Variants in ZNF219 observed in about 807,000 individuals in gnomAD.
ZNF219 encodes zinc finger protein 219.
ZNF219 carries 17 observed loss-of-function variants against 54.4 expected under a neutral mutation model. The observed-to-expected ratio is 0.31, with a 90% CI of 0.21 to 0.47. The LOEUF (loss-of-function observed/expected upper bound fraction) is 0.47. Ranked by LOEUF, ZNF219 falls within the 20% of genes least tolerant of loss-of-function variation. The pLI, the probability that ZNF219 is intolerant of heterozygous loss-of-function variation, is 1.00. For missense variants in ZNF219, 1,014 were observed against 1,062.3 expected, an observed-to-expected ratio of 0.95 and a Z score of 0.63; for synonymous variants, 518 against 476.4, an observed-to-expected ratio of 1.09 and a Z score of -1.14.
At chr14:21,103,883 G>A (rs1201448808), upstream of ZNF219, 3 of 152,480 alleles carry the variant, frequency 2.0e-5, no homozygotes, top group Non-Finnish European at 4.4e-5. Context: ...TAGAGAGCTG[G>A]ATCTGGGTCC....
chr14:21,093,917 G>A, intron 1 of ZNF219: 1 of 460,542 alleles, frequency 2.2e-6, no homozygotes, highest in Admixed American at 3.4e-5. Flanking sequence ...GCATGGTCCA[G>A]AACAACCACA....
Position 21,098,347 on chromosome 14 carries a change from C to CGGCGGCGGCGGCGGCG in ZNF219, c.-135_-120dup, listed in dbSNP as rs1160570296. ...CGGGCGGCGGCGGAGCGGGCGGCGG[C>CGGCGGCGGCGGCGGCG]GGCGGCGGCGGCGGCGGGCGGCGGG... On this transcript the variant is annotated 5_prime_UTR_variant, in exon 1 of 5. An upstream open reading frame in the 5' UTR loses its in-frame stop. Transcript: ENST00000360947. 1 of 296,776 alleles carries CGGCGGCGGCGGCGGCG rather than the reference C, an allele frequency of 3.4e-6. No homozygotes were observed. Among genetic ancestry groups the CGGCGGCGGCGGCGGCG allele is most frequent in the African/African-American group, 2.4e-5 (1 of 42,464 alleles). The allele number at this position is 296,776 out of a possible 1,614,324, so 18.4% of individuals were successfully genotyped here.
chr14:21,101,389 C>T (rs1240804658), upstream of ZNF219: 2 of 1,551,660 alleles, frequency 1.3e-6, no homozygotes, highest in Non-Finnish European at 1.7e-6. Flanking sequence ...ACACAGCCTT[C>T]GTCTGGAAAA....
rs984150867 is a variant in ZNF219 at position 21,092,552 on chromosome 14, C to G, written c.745G>C (p.Glu249Gln). Reference sequence around the variant, plus strand: ...GTTGCCTCACGTTCGGGCTCCGGCTCCGGCTCCGGCTGGGGGACTGATCTG... The same window carrying G: ...GTTGCCTCACGTTCGGGCTCCGGCTGCGGCTCCGGCTGGGGGACTGATCTG... ...EPRSVPQPEP[E>Q]PEPEREATPT... The change falls in exon 3 of 5, where the codon GAG (glutamate) becomes CAG (glutamine). Residue 249 changes from glutamate (E) to glutamine (Q), a missense_variant. Glu to Gln is a conservative substitution (Grantham distance 29). Coordinates refer to ENST00000360947, the MANE Select transcript of ZNF219 (RefSeq NM_016423.3). The G allele has an allele frequency of 1.9e-6, 3 of 1,548,246 alleles. No homozygotes were observed. Among genetic ancestry groups the G allele is most frequent in the Middle Eastern group, 1.7e-4 (1 of 5,936 alleles).
At chr14:21,094,251 C>T (rs1365253720) in intron 1 of ZNF219, 4 of 406,948 alleles carry the variant, frequency 9.8e-6, no homozygotes, top group African/African-American at 8.2e-5. Context: ...CTCCCAGCAG[C>T]AGAGTCTGAA....
intron 1 of ZNF219, among the ~76,000 whole-genome samples, chr14:21,094,957 ACTT>A (rs1889212525): frequency 6.7e-6 from 1 of 148,676 alleles, no homozygotes; most frequent in Non-Finnish European, 1.5e-5. Context: ...GATATAAAGA[ACTT>A]CCTTACAATA....
In ZNF219 at chr14:21,091,519, C is replaced by T; in HGVS notation, c.1456G>A (p.Gly486Arg). ...CCCCGGCCCCCTTCAGGCCGGGTCC[C>T]TCCAACCAACAGCCCATTCTCTTCT... Reference protein sequence around the residue: ...TQEENGLLVGGTRPEGGRGAT... With the variant: ...TQEENGLLVGRTRPEGGRGAT... Residue 486 changes from glycine to arginine, a missense_variant, in exon 4 of 5, where the codon GGG becomes AGG. Transcript: ENST00000360947. The T allele has an allele frequency of 6.2e-7, 1 of 1,606,910 alleles. No homozygotes were observed. The highest frequency in any genetic ancestry group is 8.5e-7 in the Non-Finnish European group (1 of 1,174,726).
At chr14:21,102,675 A>T (rs781548220), upstream of ZNF219, 7 of 1,551,386 alleles carry the variant, frequency 4.5e-6, 1 homozygote, top group Middle Eastern at 6.7e-4. Flanking sequence ...TGAGGCCTTC[A>T]CCCTAGGGGG....
At chr14:21,094,038 C>G (rs567960150) in intron 1 of ZNF219, among the ~76,000 whole-genome samples, 4 of 152,306 alleles carry the variant, frequency 2.6e-5, no homozygotes, top group Admixed American at 6.5e-5. Context: ...GCCATGCTCC[C>G]CATTTATCCA....
chr14:21,091,608 C>A, intron 3 of ZNF219, 66 bp from the exon 4 acceptor site: 3 of 1,545,228 alleles, frequency 1.9e-6, no homozygotes, highest in Non-Finnish European at 2.6e-6. Context: ...GCGCACCCAC[C>A]CCACACCCAT....
intron 4 of ZNF219, 66 bp from the exon 5 acceptor site, chr14:21,091,206 C>A: frequency 6.5e-7 from 1 of 1,530,192 alleles, no homozygotes; most frequent in Non-Finnish European, 8.7e-7. Context: ...CCGAATTTCG[C>A]CCAATTTACA....
Position 21,092,800 on chromosome 14 carries a change from G to A in ZNF219, c.497C>T (p.Pro166Leu), listed in dbSNP as rs997039930. ...GGTGCGAAACTTGCCTTTGCAGTAG[G>A]GGCAACGGAAGGCGGACGATGAAGG... ...QAPSSSAFRC[P>L]YCKGKFRTSA... is the part of the protein sequence containing the mutation. The change falls in exon 3 of 5, where the codon CCC (proline) becomes CTC (leucine). Residue 166 changes from proline to leucine, a missense_variant. By Grantham distance (98) the Pro-to-Leu change is moderately conservative. Coordinates refer to ENST00000360947, the MANE Select transcript of ZNF219 (RefSeq NM_016423.3). The A allele has an allele frequency of 6.3e-7, 1 of 1,580,868 alleles. No homozygotes were observed. Among genetic ancestry groups the A allele is most frequent in the African/African-American group, 1.3e-5 (1 of 74,224 alleles).
In ZNF219 at chr14:21,092,598, C is replaced by T. The variant is rs756059903; in HGVS notation, c.699G>A (p.Gln233=). The T allele has an allele frequency of 4.0e-6, 4 of 990,394 alleles. No individual in the cohort carries two copies. In the Middle Eastern group the frequency reaches 8.0e-4, roughly 199 times the overall value. The allele number at this position is 990,394 out of a possible 1,614,324, so 61.4% of individuals were successfully genotyped here. The change falls in exon 3 of 5, where the codon CAG becomes CAA. Residue 233 remains glutamine, a synonymous_variant. Transcript: ENST00000360947. ...ATCTGGGTTCGGGCTGGGGTGGAGG[C>T]TGAGGCTGAGGCTGAGGCGGAGGCG... ...SAAPPPQPQP[Q]PPPQPEPRSV...
In ZNF219 at chr14:21,092,490, T is replaced by C. The variant is rs1888991769; in HGVS notation, c.807A>G (p.Pro269=). 3.2e-6 allele frequency: 5 copies of C among 1,552,434 alleles called. No homozygotes were observed. The highest frequency in any genetic ancestry group is 4.4e-6 in the Non-Finnish European group (5 of 1,148,052). The stretch of plus-strand genomic sequence containing the variant: ...CTTGGCAGCGGAACTCCGGAGGCGC[T>C]GGGGGCTCCTCGGGAGCGGCAGGAG... ...TPAPAAPEEP[P]APPEFRCQVC... The change falls in exon 3 of 5, where the codon CCA becomes CCG. Residue 269 remains proline (P), a synonymous_variant. Transcript: ENST00000360947.
Position 21,092,179 on chromosome 14 carries a change from C to A in ZNF219, c.1118G>T (p.Arg373Leu), listed in dbSNP as rs554406948. 2.8e-6 allele frequency: 4 copies of A among 1,441,512 alleles called. No individual in the cohort carries two copies. The highest frequency in any genetic ancestry group is 2.5e-4 in the Middle Eastern group (1 of 4,028). 89.3% of individuals were successfully genotyped at this position (1,441,512 alleles called of 1,614,324 possible). A position where few individuals can be genotyped will look rare whatever the true frequency, so the allele number is the denominator to read the frequency against. The stretch of plus-strand genomic sequence containing the variant: ...GTAGCCCAAGAGGCTCGGGGGCTCA[C>A]GGCGCTCGGCCGGGGTGGGAGCCGG... ...LAPAPTPAERREPPSLLGYLS... is the reference protein window; with the variant it reads ...LAPAPTPAERLEPPSLLGYLS... Residue 373 changes from arginine (R) to leucine (L), a missense_variant, in exon 3 of 5, where the codon CGT (arginine) becomes CTT (leucine). By Grantham distance (102) the Arg-to-Leu change is moderately radical. This residue lies in a region of ZNF219 where 272 missense variants were observed against 248.9 expected (regional missense o/e 1.09). Coordinates refer to ENST00000360947, the MANE Select transcript of ZNF219 (RefSeq NM_016423.3).
chr14:21,100,957 G>C (rs777056299), upstream of ZNF219: 2 of 170,120 alleles, frequency 1.2e-5, no homozygotes, highest in Admixed American at 1.1e-4. Context: ...AATGGGAACA[G>C]AGTGAGGTCG....
At position 21,091,856 on chromosome 14, in the gene ZNF219, C is replaced by T; in HGVS notation, c.1432+9G>A. On this transcript the variant is annotated intron_variant, in intron 3 of 4. Transcript: ENST00000360947. ...CGGCGTACCCGGAGAGCGGAGGGTA[C>T]CTACATACCCTGCGTGGCGGTCGAT... The T allele has an allele frequency of 6.6e-7, 1 of 1,519,210 alleles. No homozygotes were observed. The highest frequency in any genetic ancestry group is 8.8e-7 in the Non-Finnish European group (1 of 1,139,566). 94.1% of individuals were successfully genotyped at this position (1,519,210 alleles called of 1,614,324 possible). A position where few individuals can be genotyped will look rare whatever the true frequency, so the allele number is the denominator to read the frequency against.
upstream of ZNF219, among the ~76,000 whole-genome samples, chr14:21,099,926 G>A (rs1167335764): frequency 2.6e-5 from 4 of 152,148 alleles, no homozygotes; most frequent in Non-Finnish European, 5.9e-5. Flanking sequence ...CACTTTTAGT[G>A]TATGGGCATC....
intron 1 of ZNF219, chr14:21,104,120 C>G (rs1009057080): frequency 2.0e-5 from 3 of 152,446 alleles, no homozygotes; most frequent in African/African-American, 7.2e-5. Flanking sequence ...TGGACAGGCT[C>G]GCTGGGCAGG....
Sources: allele counts gnomAD v4.1 joint callset (sites outside exome capture counted in the v4.1 genomes callset), GRCh38; gene constraint gnomAD v4.1.1; regional missense constraint gnomAD v4.1.1; transcripts MANE v1.5; gene names NCBI Gene and HGNC (gene_info 2026-07-23, HGNC 2026-07-21).